INTS6L: variants seen among roughly 807,000 people sequenced by gnomAD.
The protein encoded by INTS6L is integrator complex subunit 6-like.
INTS6L carries 18 observed loss-of-function variants against 64.7 expected under a neutral mutation model. The ratio of observed to expected loss-of-function variants is 0.28; its 90% CI spans 0.19 to 0.41. The LOEUF (loss-of-function observed/expected upper bound fraction) is 0.41, where lower values mean the gene tolerates loss of function less well. Among genes scored for constraint, INTS6L ranks in the 10% least tolerant of loss-of-function variants. The pLI, the probability that INTS6L is intolerant of heterozygous loss-of-function variation, is 1.00. For synonymous variants in INTS6L, 227 were observed against 235.9 expected (o/e 0.96, Z 0.34); for missense variants, 533 against 661.0 (o/e 0.81, Z 2.12).
intron 8 of INTS6L, among the ~76,000 whole-genome samples, chrX:135,553,906 T>C (rs183817123): frequency 5.8e-4 from 65 of 112,182 alleles, no homozygotes; most frequent in Non-Finnish European, 1.1e-3. Context: ...ACTTAAGAAA[T>C]GCTGTCCTTG....
At chrX:135,550,560 T>C (rs1373110984) in intron 7 of INTS6L, among the ~76,000 whole-genome samples, 2 of 110,762 alleles carry the variant, frequency 1.8e-5, no homozygotes, top group African/African-American at 6.6e-5. Context: ...TTGTGTGGGC[T>C]CAGGAGGGGA....
At chrX:135,565,085 T>G (rs1267122772) in intron 9 of INTS6L, among the ~76,000 whole-genome samples, 3 of 111,913 alleles carry the variant, frequency 2.7e-5, no homozygotes, top group Non-Finnish European at 5.6e-5. Context: ...TGACACCATA[T>G]GGGTAGAGGT....
chrX:135,551,936 A>G (rs1366765086), intron 7 of INTS6L, 58 bp from the exon 8 acceptor site: 7 of 993,692 alleles, frequency 7.0e-6, no homozygotes, highest in Non-Finnish European at 9.1e-6. Flanking sequence ...TGTCAGAAAT[A>G]TAAGCTTGCT....
chrX:135,530,752 G>T (rs781790190), intron 2 of INTS6L, among the ~76,000 whole-genome samples: 2 of 111,777 alleles, frequency 1.8e-5, no homozygotes, highest in East Asian at 2.8e-4. Flanking sequence ...CAGATCATTG[G>T]TTTTTTCCCC....
At chrX:135,545,199 G>A (rs1353958180) in intron 2 of INTS6L, among the ~76,000 whole-genome samples, 2 of 112,135 alleles carry the variant, frequency 1.8e-5, no homozygotes, top group South Asian at 3.7e-4. Context: ...AGCCATAATG[G>A]ACGAAGTATT....
At chrX:135,524,673 C>T (rs1044876033) in intron 2 of INTS6L, among the ~76,000 whole-genome samples, 6 of 111,320 alleles carry the variant, frequency 5.4e-5, no homozygotes, top group African/African-American at 2.0e-4. Context: ...CCAGTATATC[C>T]ACTTACAAGA....
At chrX:135,536,978 A>G (rs190081910) in intron 2 of INTS6L, among the ~76,000 whole-genome samples, 1 of 111,979 alleles carries the variant, frequency 8.9e-6, no homozygotes, top group African/African-American at 3.2e-5. Flanking sequence ...GGTGGAACCT[A>G]CCCCTTTAGC....
At chrX:135,570,623 A>C (rs1556527137) in intron 11 of INTS6L, 77 bp downstream of exon 11, 1 of 1,049,524 alleles carries the variant, frequency 9.5e-7, no homozygotes. Flanking sequence ...GTGTAATTGT[A>C]ATTTTTCAAA....
intron 9 of INTS6L, among the ~76,000 whole-genome samples, chrX:135,566,817 A>G (rs1194633804): frequency 1.8e-5 from 2 of 111,793 alleles, no homozygotes; most frequent in African/African-American, 6.5e-5. Context: ...TTTCTTAAAT[A>G]TATCACATTC....
At position 135,556,221 on chromosome X, in the gene INTS6L, T is replaced by C. The variant is rs782667051; in HGVS notation, c.1113T>C (p.Tyr371=). The C allele has an allele frequency of 8.3e-7, 1 of 1,203,902 alleles. No homozygotes were observed. The highest frequency in any genetic ancestry group is 1.1e-6 in the Non-Finnish European group (1 of 892,290). Residue 371 remains tyrosine (Y), a synonymous_variant, in exon 9 of 18, where the codon TAT becomes TAC. Coordinates refer to ENST00000639893, the MANE Select transcript of INTS6L (RefSeq NM_001351601.3). ...ATGAACTTGGATATCCATTTGGTTATTTAAAAGCCAGTACAACTTTAACTT... is the reference window on the plus strand; with the variant it reads ...ATGAACTTGGATATCCATTTGGTTACTTAAAAGCCAGTACAACTTTAACTT... ...KYNELGYPFG[Y]LKASTTLTCV...
At chrX:135,575,897 G>T (rs1363280192) in intron 14 of INTS6L, among the ~76,000 whole-genome samples, 5 of 111,198 alleles carry the variant, frequency 4.5e-5, no homozygotes, top group Non-Finnish European at 1.9e-5. Flanking sequence ...GAGACCATTG[G>T]TGTTAATTAA....
At chrX:135,537,677 G>A (rs1435548713) in intron 2 of INTS6L, among the ~76,000 whole-genome samples, 2 of 111,584 alleles carry the variant, frequency 1.8e-5, no homozygotes, top group Non-Finnish European at 3.8e-5. Context: ...GGGAAAGTAG[G>A]CTTAAATTAA....
intron 2 of INTS6L, among the ~76,000 whole-genome samples, chrX:135,535,912 C>G (rs980659174): frequency 2.7e-5 from 3 of 111,855 alleles, no homozygotes; most frequent in Admixed American, 1.9e-4. Flanking sequence ...ATTTAATTTC[C>G]TTTAATAAAA....
rs2086331106 is a variant in INTS6L at position 135,545,502 on chromosome X, A to G, written c.269A>G (p.Gln90Arg). 1 of 1,210,656 alleles carries G rather than the reference A, an allele frequency of 8.3e-7. No individual in the cohort carries two copies. Residue 90 changes from glutamine to arginine, a missense_variant, in exon 3 of 18, where the codon CAG becomes CGG. Coordinates refer to ENST00000639893, the MANE Select transcript of INTS6L (RefSeq NM_001351601.3). ...LQASGLTTLG[Q>R]ALRSSFDLLN... is the part of the protein sequence containing the mutation. ...GCTTCTGGACTGACTACTCTCGGTC[A>G]GGCTCTAAGATCCTCATTTGATTTG...
intron 2 of INTS6L, among the ~76,000 whole-genome samples, chrX:135,544,321 TC>T (rs1328694857): frequency 8.9e-6 from 1 of 112,225 alleles, no homozygotes; most frequent in African/African-American, 3.2e-5. Context: ...ATTCTACTAA[TC>T]CAAATTGCTC....
At chrX:135,522,061 C>T (rs1204573594) in intron 2 of INTS6L, among the ~76,000 whole-genome samples, 1 of 111,437 alleles carries the variant, frequency 9.0e-6, no homozygotes. Flanking sequence ...AGTCTCCCCA[C>T]CCCCAGACCC....
At chrX:135,521,763 G>C (rs1258577287) in intron 2 of INTS6L, among the ~76,000 whole-genome samples, 4 of 42,212 alleles carry the variant, frequency 9.5e-5, no homozygotes, top group Admixed American at 2.5e-4. Context: ...GCCGCGCGGG[G>C]GGCCGGACGG....
At position 135,582,086 on chromosome X, in the gene INTS6L, A is replaced by G; in HGVS notation, c.*450A>G. The G allele has an allele frequency of 8.2e-6, 1 of 122,146 alleles. No individual in the cohort carries two copies. Among genetic ancestry groups the G allele is most frequent in the Non-Finnish European group, 1.7e-5 (1 of 59,648 alleles). 10.1% of individuals were successfully genotyped at this position (122,146 alleles called of 1,213,427 possible). On this transcript the variant is annotated 3_prime_UTR_variant, in exon 18 of 18. Coordinates refer to ENST00000639893, the MANE Select transcript of INTS6L (RefSeq NM_001351601.3). Reference sequence around the variant, plus strand: ...TTATGTGTGCTGAACAAAGTTTTCAACAATTCCTAGTTGTGCCTTTTAAAC... The same window carrying G: ...TTATGTGTGCTGAACAAAGTTTTCAGCAATTCCTAGTTGTGCCTTTTAAAC...
intron 2 of INTS6L, among the ~76,000 whole-genome samples, chrX:135,544,542 G>T (rs781866051): frequency 1.1e-4 from 12 of 110,488 alleles, no homozygotes; most frequent in African/African-American, 3.6e-4. Flanking sequence ...AGACTCAAGT[G>T]GCTGTTCCAC....
Sources: allele counts gnomAD v4.1 joint callset (sites outside exome capture counted in the v4.1 genomes callset), GRCh38; gene constraint gnomAD v4.1.1; transcripts MANE v1.5; gene names NCBI Gene and HGNC (gene_info 2026-07-23, HGNC 2026-07-21).